EDIL3: variants seen among roughly 807,000 people sequenced by gnomAD.
The protein encoded by EDIL3 is EGF-like repeat and discoidin I-like domain-containing protein 3.
EDIL3 carries 37 observed loss-of-function variants against 67.4 expected under a neutral mutation model. The ratio of observed to expected loss-of-function variants is 0.55; its 90% CI spans 0.42 to 0.72. The LOEUF is 0.72. Ranked by LOEUF, EDIL3 falls within the 30% of genes least tolerant of loss-of-function variation. EDIL3 has a pLI of 0.00. For missense variants in EDIL3, 527 were observed against 586.3 expected, an observed-to-expected ratio of 0.90 and a Z score of 1.04; for synonymous variants, 195 against 196.3, an observed-to-expected ratio of 0.99 and a Z score of 0.05.
chr5:84,279,294 A>C (rs1222638233), intron 1 of EDIL3, among the ~76,000 whole-genome samples: 1 of 152,226 alleles, frequency 6.6e-6, no homozygotes, highest in Non-Finnish European at 1.5e-5. Context: ...ATCAATAAAA[A>C]TAAATCCTGT....
At chr5:84,193,897 T>A (rs546702105) in intron 3 of EDIL3, among the ~76,000 whole-genome samples, 1 of 152,084 alleles carries the variant, frequency 6.6e-6, no homozygotes, top group Admixed American at 6.6e-5. Flanking sequence ...ATGAATTGAA[T>A]ATACTGGCAA....
chr5:84,251,344 T>G (rs983946486), intron 2 of EDIL3, among the ~76,000 whole-genome samples: 17 of 151,774 alleles, frequency 1.1e-4, no homozygotes, highest in African/African-American at 4.1e-4. Flanking sequence ...AACTCCTGAC[T>G]TCGTGATCCG....
Position 84,226,900 on chromosome 5 carries a change from C to A in EDIL3, c.226+2955G>T, listed in dbSNP as rs548013835. On this transcript the variant is annotated intron_variant, in intron 3 of 10. Transcript: ENST00000296591. ...TGTTCAGTTGCATTTCACAAAAAGG[C>A]CTTCTTAGTGAGGAGAGAAGTTATG... is the stretch of plus-strand genomic sequence containing the variant. 9.9e-4 allele frequency among the ~76,000 whole-genome samples: 151 copies of A among 151,888 alleles called. 1 individual carries two copies. The highest frequency in any genetic ancestry group is 3.6e-3 in the African/African-American group (149 of 41,468).
intron 1 of EDIL3, among the ~76,000 whole-genome samples, chr5:84,371,341 A>ATATATATATATATATGTG (rs1008172581): frequency 4.6e-5 from 6 of 129,700 alleles, no homozygotes; most frequent in African/African-American, 1.6e-4. Context: ...ATATATATAT[A>ATATATATATATATATGTG]TGTGTGTGTG....
chr5:84,175,868 C>A (rs1748895241), intron 4 of EDIL3, among the ~76,000 whole-genome samples: 1 of 152,004 alleles, frequency 6.6e-6, no homozygotes, highest in Admixed American at 6.6e-5. Flanking sequence ...TCTGATTCAA[C>A]AGGGCTGAAG....
chr5:84,004,534 T>G lies in EDIL3; in HGVS notation c.1138-41174A>C, dbSNP rs73145915. 2.1e-3 allele frequency among the ~76,000 whole-genome samples: 319 copies of G among 152,168 alleles called. 3 individuals carry two copies. The highest frequency in any genetic ancestry group is 7.5e-3 in the African/African-American group (311 of 41,534). ...GTACAATAAATCAATATGAAGAATA[T>G]CTCTTAAAACCATAAAATTACATGG... On this transcript the variant is annotated intron_variant, in intron 9 of 10. Transcript: ENST00000296591.
At chr5:83,947,939 T>C (rs1744343004) in intron 10 of EDIL3, among the ~76,000 whole-genome samples, 1 of 151,846 alleles carries the variant, frequency 6.6e-6, no homozygotes, top group South Asian at 2.1e-4. Context: ...ATAATCTTGA[T>C]TGCATTCCAT....
In EDIL3 at chr5:84,176,185, T is replaced by A. The variant is rs1033098512; in HGVS notation, c.355+4208A>T. On this transcript the variant is annotated intron_variant, in intron 4 of 10. Transcript: ENST00000296591. ...CCAACTTTCTCAGTGGTAAAAAATA[T>A]ATATATATATATAATATATATATAT... Among the ~76,000 whole-genome samples, 100 of 37,884 alleles carry A rather than the reference T, an allele frequency of 2.6e-3. 1 individual carries two copies. Among genetic ancestry groups the A allele is most frequent in the African/African-American group, 9.8e-3 (94 of 9,602 alleles). The allele number at this position is 37,884 out of a possible 152,430, so 24.9% of individuals were successfully genotyped here. A position where few individuals can be genotyped will look rare whatever the true frequency, so the allele number is the denominator to read the frequency against.
At chr5:84,369,826 T>C (rs556362459) in intron 1 of EDIL3, among the ~76,000 whole-genome samples, 4 of 152,302 alleles carry the variant, frequency 2.6e-5, no homozygotes, top group Admixed American at 2.0e-4. Flanking sequence ...ATCCATTTTA[T>C]GGTTAAACAT....
intron 3 of EDIL3, among the ~76,000 whole-genome samples, chr5:84,186,430 A>C (rs1743451525): frequency 6.6e-6 from 1 of 152,010 alleles, no homozygotes; most frequent in African/African-American, 2.4e-5. Context: ...ATGGTATTAA[A>C]ATTGTCAGCA....
At chr5:84,111,591 T>G (rs1261252405) in intron 5 of EDIL3, among the ~76,000 whole-genome samples, 1 of 152,136 alleles carries the variant, frequency 6.6e-6, no homozygotes, top group African/African-American at 2.4e-5. Context: ...TCTTAAAAGA[T>G]TCACATTCTA....
chr5:84,040,007 A>C (rs1018660355), intron 9 of EDIL3, among the ~76,000 whole-genome samples: 1 of 152,156 alleles, frequency 6.6e-6, no homozygotes, highest in African/African-American at 2.4e-5. Context: ...CACTTTATAA[A>C]TGCTAATTTA....
intron 5 of EDIL3, among the ~76,000 whole-genome samples, chr5:84,129,807 A>G (rs1025619671): frequency 6.6e-6 from 1 of 152,166 alleles, no homozygotes; most frequent in Admixed American, 6.6e-5. Flanking sequence ...TATTTATAAG[A>G]TGAATTTTTA....
intron 5 of EDIL3, among the ~76,000 whole-genome samples, chr5:84,130,000 G>C (rs1747933557): frequency 6.6e-6 from 1 of 152,046 alleles, no homozygotes; most frequent in Admixed American, 6.6e-5. Context: ...TTATTCTTGA[G>C]GATAAACAAA....
At chr5:84,149,147 C>T (rs1024733563) in intron 4 of EDIL3, among the ~76,000 whole-genome samples, 2 of 152,054 alleles carry the variant, frequency 1.3e-5, no homozygotes, top group Admixed American at 6.6e-5. Flanking sequence ...GGAGAGTCGA[C>T]GGAGGCTAGT....
At chr5:84,091,278 C>T (rs370456380) in intron 6 of EDIL3, among the ~76,000 whole-genome samples, 20 of 152,264 alleles carry the variant, frequency 1.3e-4, no homozygotes, top group Non-Finnish European at 2.5e-4. Context: ...ACTGGTTAGA[C>T]GGAATTACAG....
intron 9 of EDIL3, among the ~76,000 whole-genome samples, chr5:83,974,111 A>G (rs1418936150): frequency 2.0e-5 from 3 of 151,846 alleles, no homozygotes; most frequent in African/African-American, 7.2e-5. Context: ...AGACCATGTG[A>G]GCCTGAATTC....
chr5:84,063,478 C>G (rs371323794), intron 8 of EDIL3, among the ~76,000 whole-genome samples: 2 of 152,036 alleles, frequency 1.3e-5, no homozygotes, highest in African/African-American at 4.8e-5. Context: ...AAAAAATACA[C>G]CAACATAGAA....
intron 10 of EDIL3, among the ~76,000 whole-genome samples, chr5:83,949,168 G>A (rs1367204503): frequency 1.3e-5 from 2 of 151,698 alleles, no homozygotes; most frequent in Non-Finnish European, 2.9e-5. Flanking sequence ...TCACTACAGG[G>A]CAGCCCAACA....
Sources: allele counts gnomAD v4.1 joint callset (sites outside exome capture counted in the v4.1 genomes callset), GRCh38; gene constraint gnomAD v4.1.1; transcripts MANE v1.5; gene names NCBI Gene and HGNC (gene_info 2026-07-23, HGNC 2026-07-21).